TANC1: variants seen among roughly 807,000 people sequenced by gnomAD.
TANC1 encodes tetratricopeptide repeat, ankyrin repeat and coiled-coil containing 1, also known as protein TANC1.
Under a neutral mutation model 149.7 loss-of-function variants are expected in TANC1, and 77 were observed. The ratio of observed to expected loss-of-function variants is 0.51; its 90% CI spans 0.43 to 0.62. The LOEUF (loss-of-function observed/expected upper bound fraction) is 0.62, where lower values mean the gene tolerates loss of function less well. Among genes scored for constraint, TANC1 ranks in the 20% least tolerant of loss-of-function variants. TANC1 has a pLI of 0.00. For missense variants in TANC1, 1,985 were observed against 2,321.8 expected, an observed-to-expected ratio of 0.85 and a Z score of 2.98; for synonymous variants, 854 against 925.0, an observed-to-expected ratio of 0.92 and a Z score of 1.39.
At chr2:159,052,278 A>C (rs936127207) in intron 2 of TANC1, among the ~76,000 whole-genome samples, 1 of 152,108 alleles carries the variant, frequency 6.6e-6, no homozygotes, top group African/African-American at 2.4e-5. Context: ...CTGTCATGCC[A>C]GGCCTGGTTT....
At chr2:159,216,404 C>A (rs930619959) in intron 19 of TANC1, among the ~76,000 whole-genome samples, 6 of 152,330 alleles carry the variant, frequency 3.9e-5, no homozygotes, top group East Asian at 1.9e-4. Context: ...TCCTTCCTCC[C>A]TCCAGAGGAA....
chr2:159,165,710 G>A (rs779496575), intron 8 of TANC1, among the ~76,000 whole-genome samples: 11 of 152,232 alleles, frequency 7.2e-5, no homozygotes, highest in Admixed American at 1.3e-4. Context: ...GTGAAGGACC[G>A]TATACAGAAA....
chr2:159,219,892 C>T lies in TANC1; in HGVS notation c.3678+25C>T, dbSNP rs755293642. ...TGTGAGTACCAGCAGGTGTTCCCCA[C>T]CTCCACCTGCATTGGAAAGAAACCC... On this transcript the variant is annotated intron_variant, in intron 22 of 26. Transcript: ENST00000263635. 5 of 1,611,294 alleles carry T rather than the reference C, an allele frequency of 3.1e-6. No homozygotes were observed. The South Asian group carries it at 5.5e-5, about 18-fold the overall frequency.
chr2:158,992,055 C>T (rs112316330), intron 1 of TANC1, among the ~76,000 whole-genome samples: 57 of 151,954 alleles, frequency 3.8e-4, no homozygotes, highest in Admixed American at 9.8e-4. Context: ...GTTTGGAAAG[C>T]GAGAGAAAAG....
At chr2:159,106,236 T>C (rs892655476) in intron 4 of TANC1, among the ~76,000 whole-genome samples, 3 of 151,300 alleles carry the variant, frequency 2.0e-5, no homozygotes, top group African/African-American at 7.3e-5. Flanking sequence ...TTTTAGAACA[T>C]TGTTATCTCC....
At chr2:159,206,199 C>T (rs2058594006) in intron 19 of TANC1, among the ~76,000 whole-genome samples, 1 of 152,124 alleles carries the variant, frequency 6.6e-6, no homozygotes, top group East Asian at 1.9e-4. Context: ...TGACCCTGTG[C>T]CCTGTAAGGG....
chr2:159,145,379 C>G (rs1243496891), intron 5 of TANC1, among the ~76,000 whole-genome samples: 1 of 152,162 alleles, frequency 6.6e-6, no homozygotes, highest in Non-Finnish European at 1.5e-5. Flanking sequence ...TCTATAGCAT[C>G]TTGTGGTTTA....
At chr2:159,101,959 T>G (rs1425931233) in intron 4 of TANC1, among the ~76,000 whole-genome samples, 1 of 152,190 alleles carries the variant, frequency 6.6e-6, no homozygotes, top group Non-Finnish European at 1.5e-5. Flanking sequence ...CGATTCCAGT[T>G]CCAGTTCTGT....
At chr2:159,196,461 G>C (rs1014097112) in intron 17 of TANC1, 147 bp from the exon 18 acceptor site, 2 of 625,500 alleles carry the variant, frequency 3.2e-6, no homozygotes, top group African/African-American at 3.7e-5. Flanking sequence ...CCAGACTAAG[G>C]TTCCATGTTC....
chr2:159,158,517 A>G lies in TANC1; in HGVS notation c.683-4766A>G, dbSNP rs1489219751. Among the ~76,000 whole-genome samples, 5 of 152,174 alleles carry G rather than the reference A, an allele frequency of 3.3e-5. 1 individual carries two copies. Among genetic ancestry groups the G allele is most frequent in the African/African-American group, 1.2e-4 (5 of 41,438 alleles). On this transcript the variant is annotated intron_variant, in intron 7 of 26. Transcript: ENST00000263635. ...CTGGCATATAGTAAACAGTATTCCA[A>G]TATTCATCTTAGCCACTGTTGTGAT...
intron 3 of TANC1, among the ~76,000 whole-genome samples, chr2:159,079,750 G>A (rs1451248554): frequency 6.6e-6 from 1 of 152,106 alleles, no homozygotes; most frequent in Non-Finnish European, 1.5e-5. Flanking sequence ...GCCAGTGCCC[G>A]CAATAACAGT....
intron 14 of TANC1, 84 bp from the exon 15 acceptor site, chr2:159,185,707 G>T: frequency 1.2e-6 from 1 of 866,674 alleles, no homozygotes; most frequent in South Asian, 1.5e-5. Flanking sequence ...CAGTGACTAA[G>T]GCAATGGGTG....
chr2:159,206,568 G>A (rs1033945894), intron 19 of TANC1, among the ~76,000 whole-genome samples: 4 of 152,232 alleles, frequency 2.6e-5, no homozygotes, highest in African/African-American at 9.6e-5. Flanking sequence ...GCTGTACAGA[G>A]TCCATTTTTC....
intron 1 of TANC1, among the ~76,000 whole-genome samples, chr2:158,970,343 T>C (rs1316587931): frequency 6.6e-6 from 1 of 152,158 alleles, no homozygotes; most frequent in Non-Finnish European, 1.5e-5. Flanking sequence ...AGGAAAGCAG[T>C]TGTGAAGCTT....
chr2:159,210,016 A>T (rs1351072341), intron 19 of TANC1, among the ~76,000 whole-genome samples: 1 of 152,200 alleles, frequency 6.6e-6, no homozygotes, highest in Non-Finnish European at 1.5e-5. Flanking sequence ...TAAATTGCAC[A>T]TGTGAATATA....
chr2:159,183,541 G>C (rs2159877), intron 14 of TANC1, among the ~76,000 whole-genome samples: 105,068 of 151,932 alleles, frequency 0.69, 37,309 homozygotes, highest in East Asian at 0.95. Context: ...GGGAAATGAC[G>C]GTTAAGAGGA....
At chr2:159,223,078 G>T (rs997537235) in intron 22 of TANC1, among the ~76,000 whole-genome samples, 1 of 152,086 alleles carries the variant, frequency 6.6e-6, no homozygotes, top group African/African-American at 2.4e-5. Context: ...GCTTATTTTT[G>T]TATTTTTAGT....
At chr2:159,065,998 G>A (rs201952986) in intron 3 of TANC1, 27 bp downstream of exon 3, 946 of 1,575,546 alleles carry the variant, frequency 6.0e-4, no homozygotes, top group Non-Finnish European at 7.8e-4. Flanking sequence ...GAGAAGCTCA[G>A]CCATGGACAG....
intron 3 of TANC1, among the ~76,000 whole-genome samples, chr2:159,067,745 C>T (rs2042792656): frequency 6.6e-6 from 1 of 152,192 alleles, no homozygotes; most frequent in East Asian, 1.9e-4. Context: ...GGACCAGGGT[C>T]CCCAAGCCTA....
Sources: gnomAD v4.1 joint callset for allele counts (sites outside exome capture counted in the v4.1 genomes callset) on GRCh38, gnomAD v4.1.1 for gene constraint, MANE v1.5 for transcripts, NCBI Gene and HGNC (gene_info 2026-07-23, HGNC 2026-07-21) for gene names.